PPP1R16A: variants seen among roughly 807,000 people sequenced by gnomAD.
The protein encoded by PPP1R16A is myosin phosphatase-targeting subunit 3.
PPP1R16A carries 39 observed loss-of-function variants against 46.6 expected under a neutral mutation model. The ratio of observed to expected loss-of-function variants is 0.84; its 90% CI spans 0.65 to 1.09. The LOEUF (loss-of-function observed/expected upper bound fraction) is 1.09, where lower values mean the gene tolerates loss of function less well. Ranked by LOEUF, PPP1R16A falls within the 50% of genes least tolerant of loss-of-function variation. The pLI, the probability that PPP1R16A is intolerant of heterozygous loss-of-function variation, is 0.00. For missense variants in PPP1R16A, 798 were observed against 735.6 expected, an observed-to-expected ratio of 1.08 and a Z score of -0.98; for synonymous variants, 413 against 321.5, an observed-to-expected ratio of 1.28 and a Z score of -3.04.
chr8:144,495,678 C>A (rs571744862), intron 2 of PPP1R16A: 1 of 152,300 alleles, frequency 6.6e-6, no homozygotes, highest in Non-Finnish European at 1.5e-5. Flanking sequence ...CCTCGTGATC[C>A]ACCCGCCTTG....
chr8:144,485,520 T>A, intron 1 of PPP1R16A, among the ~76,000 whole-genome samples: 1 of 111,858 alleles, frequency 8.9e-6, no homozygotes. Flanking sequence ...CAACACTCCA[T>A]CTCGGGAAAA....
chr8:144,501,362 C>A, intron 11 of PPP1R16A, 68 bp downstream of exon 11: 1 of 1,509,374 alleles, frequency 6.6e-7, no homozygotes, highest in Non-Finnish European at 8.8e-7. Flanking sequence ...TCTCTCTCCG[C>A]TTGGACCCCC....
Position 144,489,633 on chromosome 8 carries a change from C to T in PPP1R16A, c.-913-401C>T, listed in dbSNP as rs1367607929. Among the ~76,000 whole-genome samples, 5 of 152,156 alleles carry T rather than the reference C, an allele frequency of 3.3e-5. No homozygotes were observed. The East Asian group carries it at 9.6e-4, about 29-fold the overall frequency. On this transcript the variant is annotated intron_variant, in intron 1 of 11. Coordinates refer to ENST00000435887, the MANE Select transcript of PPP1R16A (RefSeq NM_001329443.2). ...GGCCCCTCCAGAGCCTCCTCTTCTG[C>T]CCTGTACACCCCGATGCCTTCTGTG... is the stretch of plus-strand genomic sequence containing the variant.
intron 1 of PPP1R16A, among the ~76,000 whole-genome samples, chr8:144,480,321 TTTTG>T (rs748024622): frequency 6.6e-6 from 1 of 152,134 alleles, no homozygotes; most frequent in Non-Finnish European, 1.5e-5. Context: ...CTTTCTGTTT[TTTTG>T]TTTGTTTGAG....
At chr8:144,481,135 C>G (rs975796693) in intron 1 of PPP1R16A, among the ~76,000 whole-genome samples, 13 of 151,562 alleles carry the variant, frequency 8.6e-5, no homozygotes, top group African/African-American at 4.8e-5. Flanking sequence ...CGTGATCCGC[C>G]CGCCTCGGCC....
At position 144,493,633 on chromosome 8, in the gene PPP1R16A, T is replaced by A. The variant is rs1377437235; in HGVS notation, c.-734-2828T>A. ...CTGGCTGCTTCCTTCTGAGGGTGAT[T>A]CCTGGGCAGGGAGGCCAGAGGGGGA... On this transcript the variant is annotated intron_variant, in intron 2 of 11. Coordinates refer to ENST00000435887, the MANE Select transcript of PPP1R16A (RefSeq NM_001329443.2). This position sits in a 1 kb window ranked among gnomAD's most constrained non-coding sequence, Gnocchi z 4.3. Among the ~76,000 whole-genome samples the A allele has an allele frequency of 6.6e-6, 1 of 152,096 alleles. No individual in the cohort carries two copies. The highest frequency in any genetic ancestry group is 1.9e-4 in the East Asian group (1 of 5,194).
At position 144,497,192 on chromosome 8, in the gene PPP1R16A, GC is replaced by G; in HGVS notation, c.-1del. On this transcript the variant is annotated 5_prime_UTR_variant, in exon 3 of 12. Coordinates refer to ENST00000435887, the MANE Select transcript of PPP1R16A (RefSeq NM_001329443.2). ...GCAGCCCTGTGGGCAAGCAGCCGCC[GC>G]CATGGCCGAGCACCTGGAGCTGCTG... 3 of 1,559,726 alleles carry G rather than the reference GC, an allele frequency of 1.9e-6. No individual in the cohort carries two copies. The South Asian group carries it at 3.5e-5, about 18-fold the overall frequency.
chr8:144,480,998 C>G (rs1398949319), intron 1 of PPP1R16A, among the ~76,000 whole-genome samples: 2 of 151,878 alleles, frequency 1.3e-5, no homozygotes, highest in Non-Finnish European at 1.5e-5. Context: ...ACACCATTCT[C>G]CTGCCTCAGC....
chr8:144,492,613 G>A (rs983296598), intron 2 of PPP1R16A, among the ~76,000 whole-genome samples: 2 of 152,110 alleles, frequency 1.3e-5, no homozygotes, highest in African/African-American at 4.8e-5. Context: ...GGGATTACAG[G>A]CGTGAGCCAC....
intron 1 of PPP1R16A, 90 bp downstream of exon 1, chr8:144,478,217 G>A: frequency 2.6e-6 from 1 of 388,856 alleles, no homozygotes; most frequent in Non-Finnish European, 4.5e-6. Context: ...CCGGGAAGGA[G>A]GGGCACTGGG....
chr8:144,479,540 C>G (rs1303193305), intron 1 of PPP1R16A, among the ~76,000 whole-genome samples: 2 of 152,138 alleles, frequency 1.3e-5, no homozygotes, highest in Admixed American at 6.5e-5. Flanking sequence ...TGGCACCTAG[C>G]AAGGGGGCTC....
Position 144,500,140 on chromosome 8 carries a change from A to T in PPP1R16A, c.521A>T (p.Tyr174Phe), listed in dbSNP as rs369636925. ...LAVNTDGNMP[Y>F]DLCDDEQTLD... ...GTCAACACCGACGGGAACATGCCCT[A>T]TGACCTGTGTGATGATGAGCAGACG... is the stretch of plus-strand genomic sequence containing the variant. The change falls in exon 6 of 12, where the codon TAT (tyrosine) becomes TTT (phenylalanine). Residue 174 changes from tyrosine (Y) to phenylalanine (F), a missense_variant. Tyr to Phe is a conservative substitution (Grantham distance 22). Coordinates refer to ENST00000435887, the MANE Select transcript of PPP1R16A (RefSeq NM_001329443.2). 1 of 1,612,496 alleles carries T rather than the reference A, an allele frequency of 6.2e-7. No individual in the cohort carries two copies. Among genetic ancestry groups the T allele is most frequent in the Non-Finnish European group, 8.5e-7 (1 of 1,179,420 alleles).
chr8:144,481,446 C>T (rs1376008998), intron 1 of PPP1R16A, among the ~76,000 whole-genome samples: 1 of 151,606 alleles, frequency 6.6e-6, no homozygotes, highest in Non-Finnish European at 1.5e-5. Context: ...AGTTCGAGAC[C>T]AGCCTGACCA....
Position 144,500,892 on chromosome 8 carries a change from A to C in PPP1R16A, c.958A>C (p.Lys320Gln), listed in dbSNP as rs766585665. The C allele has an allele frequency of 1.9e-6, 3 of 1,548,990 alleles. No individual in the cohort carries two copies. Among genetic ancestry groups the C allele is most frequent in the Admixed American group, 1.9e-5 (1 of 51,680 alleles). ...VRAKLLELKH[K>Q]HDALLRAQSR... ...GGCCAAGCTGCTGGAGCTGAAGCAC[A>C]AGCACGACGCCCTCCTGCGCGCCCA... The change falls in exon 10 of 12, where the codon AAG (lysine) becomes CAG (glutamine). Residue 320 changes from lysine to glutamine, a missense_variant. Lys to Gln is a moderately conservative substitution (Grantham distance 53). Coordinates refer to ENST00000435887, the MANE Select transcript of PPP1R16A (RefSeq NM_001329443.2).
chr8:144,481,500 C>A (rs1009834105), intron 1 of PPP1R16A, among the ~76,000 whole-genome samples: 1 of 151,686 alleles, frequency 6.6e-6, no homozygotes, highest in Non-Finnish European at 1.5e-5. Flanking sequence ...AAAAGTTAGC[C>A]AGGCATGGTG....
At position 144,500,507 on chromosome 8, in the gene PPP1R16A, C is replaced by G; in HGVS notation, c.726C>G (p.Asn242Lys). The G allele has an allele frequency of 6.3e-7, 1 of 1,588,308 alleles. No individual in the cohort carries two copies. The highest frequency in any genetic ancestry group is 8.5e-7 in the Non-Finnish European group (1 of 1,175,378). The change falls in exon 8 of 12, where the codon AAC becomes AAG. Residue 242 changes from asparagine (N) to lysine (K), a missense_variant. Asn to Lys is a moderately conservative substitution (Grantham distance 94). Coordinates refer to ENST00000435887, the MANE Select transcript of PPP1R16A (RefSeq NM_001329443.2). ...GATLLHVAAA[N>K]GFSEAAALLL... The stretch of plus-strand genomic sequence containing the variant: ...TGCAGCTGCACGTCGCAGCCGCCAA[C>G]GGGTTCAGCGAGGCGGCTGCCCTGC...
intron 1 of PPP1R16A, among the ~76,000 whole-genome samples, chr8:144,482,697 A>G (rs779486985): frequency 2.9e-5 from 4 of 136,060 alleles, no homozygotes; most frequent in Non-Finnish European, 6.1e-5. Context: ...CTCTATCGCC[A>G]GGCTAGAGTG....
intron 1 of PPP1R16A, among the ~76,000 whole-genome samples, chr8:144,479,978 A>C (rs1459124096): frequency 1.3e-5 from 2 of 152,230 alleles, no homozygotes; most frequent in African/African-American, 4.8e-5. Flanking sequence ...GCTGCCTATG[A>C]GTCAGGAACT....
intron 3 of PPP1R16A, 134 bp downstream of exon 3, chr8:144,497,587 C>A: frequency 2.3e-6 from 3 of 1,322,080 alleles, no homozygotes; most frequent in East Asian, 5.0e-5. Flanking sequence ...CTTGCCTGGT[C>A]TCTTCAGGCT....
Sources: gnomAD v4.1 joint callset for allele counts (sites outside exome capture counted in the v4.1 genomes callset) on GRCh38, gnomAD v4.1.1 for gene constraint, Gnocchi (gnomAD v3.1) non-coding constraint, MANE v1.5 for transcripts, NCBI Gene and HGNC (gene_info 2026-07-23, HGNC 2026-07-21) for gene names.